The following FANK1 variants were observed in gnomAD, a reference collection of about 807,000 sequenced individuals.
The protein encoded by FANK1 is fibronectin type III and ankyrin repeat domains 1, also known as fibronectin type 3 and ankyrin repeat domains protein 1.
A neutral mutation model predicts 45.3 loss-of-function variants in FANK1; 44 were observed. That is an observed-to-expected ratio of 0.97 (90% CI 0.76 to 1.25). The LOEUF is 1.25. Ranked by LOEUF, FANK1 falls within the 50% of genes most tolerant of loss-of-function variation. The pLI is 0.00. For synonymous variants in FANK1, 149 were observed against 152.5 expected (o/e 0.98, Z 0.17); for missense variants, 391 against 424.4 (o/e 0.92, Z 0.69).
chr10:125,923,512 T>A (rs1478989460), intron 1 of FANK1, among the ~76,000 whole-genome samples: 2 of 151,850 alleles, frequency 1.3e-5, no homozygotes, highest in African/African-American at 2.4e-5. Context: ...GGCATAAAGG[T>A]ATTCATAATT....
At chr10:125,964,546 C>T (rs1034120354) in intron 1 of FANK1, among the ~76,000 whole-genome samples, 1 of 152,134 alleles carries the variant, frequency 6.6e-6, no homozygotes, top group African/African-American at 2.4e-5. Flanking sequence ...GTGATTCGAC[C>T]TTACCCTCGA....
At chr10:125,993,300 T>C (rs2134216057) in intron 3 of FANK1, among the ~76,000 whole-genome samples, 1 of 152,322 alleles carries the variant, frequency 6.6e-6, no homozygotes. Context: ...GTTAATGGGA[T>C]AACAGAGACT....
At position 125,975,638 on chromosome 10, in the gene FANK1, T is replaced by A. The variant is rs58424832; in HGVS notation, c.14-4523T>A. Among the ~76,000 whole-genome samples the A allele has an allele frequency of 4.3e-3, 656 of 152,370 alleles. 4 individuals are homozygous for A. Among genetic ancestry groups the A allele is most frequent in the African/African-American group, 0.014 (591 of 41,590 alleles). ...TTTATGTCTTTTGCTCAATTTTTAA[T>A]GGGGTTGTTTATTTTTCTCTTGTAA... On this transcript the variant is annotated intron_variant, in intron 1 of 10. Transcript: ENST00000368693.
chr10:125,898,671 T>C (rs1300843966), intron 1 of FANK1, among the ~76,000 whole-genome samples: 1 of 151,962 alleles, frequency 6.6e-6, no homozygotes, highest in African/African-American at 2.4e-5. Context: ...GAGATAAGGC[T>C]GGAAAATTCA....
At chr10:125,897,418 C>G (rs1944639697) in intron 1 of FANK1, among the ~76,000 whole-genome samples, 1 of 152,280 alleles carries the variant, frequency 6.6e-6, no homozygotes, top group African/African-American at 2.4e-5. Flanking sequence ...TCTTATTGTT[C>G]CTTTTGTTCT....
chr10:125,927,561 T>G (rs1245495891), intron 1 of FANK1, among the ~76,000 whole-genome samples: 1 of 152,010 alleles, frequency 6.6e-6, no homozygotes, highest in African/African-American at 2.4e-5. Context: ...AAACTTTTTT[T>G]TTTTTGAGAT....
chr10:125,996,755 G>A, intron 5 of FANK1, 131 bp downstream of exon 5: 6 of 706,020 alleles, frequency 8.5e-6, no homozygotes, highest in East Asian at 2.6e-5. Context: ...CTCCCAAACC[G>A]TACCATATGA....
At chr10:125,924,865 A>G (rs1350705440) in intron 1 of FANK1, among the ~76,000 whole-genome samples, 3 of 152,218 alleles carry the variant, frequency 2.0e-5, no homozygotes, top group Admixed American at 2.0e-4. Context: ...ATTTAATTAT[A>G]TCCTACAGTT....
intron 1 of FANK1, among the ~76,000 whole-genome samples, chr10:125,927,238 G>C (rs1947412897): frequency 6.6e-6 from 1 of 152,228 alleles, no homozygotes; most frequent in South Asian, 2.1e-4. Flanking sequence ...CTCCTGAGTA[G>C]CTGGGACAGG....
intron 1 of FANK1, chr10:125,960,249 G>A: frequency 3.4e-6 from 1 of 296,776 alleles, no homozygotes; most frequent in Admixed American, 3.7e-5. Flanking sequence ...ACTTCCTGCT[G>A]GAACACTGAC....
intron 6 of FANK1, chr10:126,004,611 C>T: frequency 2.7e-6 from 1 of 368,110 alleles, no homozygotes; most frequent in Non-Finnish European, 5.1e-6. Flanking sequence ...TAAATGGAAT[C>T]AGACAATATG....
chr10:125,933,482 C>T (rs961488134), intron 1 of FANK1, among the ~76,000 whole-genome samples: 3 of 152,118 alleles, frequency 2.0e-5, no homozygotes, highest in African/African-American at 7.2e-5. Flanking sequence ...GTAATATCTC[C>T]TGTTTCATTT....
In FANK1 at chr10:125,995,516, GT is replaced by G; in HGVS notation, c.398+20del. On this transcript the variant is annotated intron_variant, in intron 4 of 10. Coordinates refer to ENST00000368693, the MANE Select transcript of FANK1 (RefSeq NM_145235.5). ...CAAGGAGGGTGAGAGAACTCTGTCA[GT>G]TGTTTTTTTTCCCCCATGCCTATAA... is the stretch of plus-strand genomic sequence containing the variant. The G allele has an allele frequency of 6.2e-7, 1 of 1,612,788 alleles. No individual in the cohort carries two copies. The highest frequency in any genetic ancestry group is 8.5e-7 in the Non-Finnish European group (1 of 1,178,838).
chr10:125,979,697 C>A, intron 1 of FANK1: 1 of 346,018 alleles, frequency 2.9e-6, no homozygotes, highest in Admixed American at 3.6e-5. Flanking sequence ...TTGTTACTAA[C>A]CTTGGGCCTT....
At chr10:125,906,602 C>T (rs1000296059) in intron 1 of FANK1, among the ~76,000 whole-genome samples, 2 of 150,330 alleles carry the variant, frequency 1.3e-5, no homozygotes, top group Non-Finnish European at 3.0e-5. Flanking sequence ...TTAAACACTT[C>T]CCCAGGCCAG....
rs147096099 is a variant in FANK1, at chr10:125,980,307, C to T, written c.160C>T (p.Pro54Ser). ...CAGGTTCTCGATTGAAGAAGAAGAC[C>T]CCAAAATGCACACTTATGGTATCAT... ...WFRFSIEEED[P>S]KMHTYGIIYT... Residue 54 changes from proline to serine, a missense_variant, in exon 2 of 11, where the codon CCC (proline) becomes TCC (serine). Pro to Ser is a moderately conservative substitution (Grantham distance 74). Coordinates refer to ENST00000368693, the MANE Select transcript of FANK1 (RefSeq NM_145235.5). 23 of 1,613,966 alleles carry T rather than the reference C, an allele frequency of 1.4e-5. No homozygotes were observed. The African/African-American group carries it at 2.7e-4, about 19-fold the overall frequency.
At chr10:125,956,466 G>A (rs977205342) in intron 1 of FANK1, among the ~76,000 whole-genome samples, 5 of 152,130 alleles carry the variant, frequency 3.3e-5, no homozygotes, top group African/African-American at 9.7e-5. Context: ...TTATGTATGA[G>A]CATGAATAAT....
chr10:125,919,227 A>T (rs1946752926), intron 1 of FANK1, among the ~76,000 whole-genome samples: 1 of 7,398 alleles, frequency 1.4e-4, no homozygotes, highest in East Asian at 2.6e-3. Context: ...TTTTTTTGTG[A>T]CAGAGTCTTG....
Position 125,942,971 on chromosome 10 carries a change from A to G in FANK1, c.14-37190A>G, listed in dbSNP as rs200817676. On this transcript the variant is annotated intron_variant, in intron 1 of 10. Transcript: ENST00000368693. ...TGGGATTACAAGCGTGTGCCACCAC[A>G]CCGGGCTAATTTTTGTATTTTTAAT... Among the ~76,000 whole-genome samples the G allele has an allele frequency of 9.2e-5, 14 of 151,970 alleles. No individual in the cohort carries two copies. In the East Asian group the frequency reaches 2.7e-3, roughly 29 times the overall value.
Sources: gnomAD v4.1 joint callset for allele counts (sites outside exome capture counted in the v4.1 genomes callset) on GRCh38, gnomAD v4.1.1 for gene constraint, MANE v1.5 for transcripts, NCBI Gene and HGNC (gene_info 2026-07-23, HGNC 2026-07-21) for gene names.